FMN1: variants seen among roughly 807,000 people sequenced by gnomAD.
The protein encoded by FMN1 is formin-1.
Under a neutral mutation model 132.4 loss-of-function variants are expected in FMN1, and 110 were observed. The ratio of observed to expected loss-of-function variants is 0.83; its 90% CI spans 0.71 to 0.97. The LOEUF (loss-of-function observed/expected upper bound fraction) is 0.97. Ranked by LOEUF, FMN1 falls within the 50% of genes least tolerant of loss-of-function variation. The pLI, the probability that FMN1 is intolerant of heterozygous loss-of-function variation, is 0.00. For synonymous variants in FMN1, 722 were observed against 651.7 expected (o/e 1.11, Z -1.64); for missense variants, 1,792 against 1,705.3 (o/e 1.05, Z -0.90).
chr15:33,012,494 A>G, intron 6 of FMN1: 1 of 1,325,976 alleles, frequency 7.5e-7, no homozygotes, highest in South Asian at 1.2e-5. Flanking sequence ...TATTTTCAAC[A>G]GTATGGAAAA....
chr15:32,844,002 TAAAA>T (rs530422264), intron 17 of FMN1, among the ~76,000 whole-genome samples: 1 of 152,096 alleles, frequency 6.6e-6, no homozygotes, highest in Non-Finnish European at 1.5e-5. Context: ...AAAATTTAAA[TAAAA>T]AAACTGGGAG....
intron 7 of FMN1, among the ~76,000 whole-genome samples, chr15:32,981,288 G>C (rs36097433): frequency 0.043 from 6,545 of 151,880 alleles, 205 homozygotes; most frequent in East Asian, 0.14. Context: ...TCAGGAGATT[G>C]AGACCATCCT....
chr15:32,879,893 G>A lies in FMN1; in HGVS notation c.3835+8279C>T, dbSNP rs375116412. ...GTATTTGTCAAAGTTATACGTGCAC[G>A]CAGTTTAAAGAATCAGTACATTCTA... On this transcript the variant is annotated intron_variant, in intron 16 of 20. Transcript: ENST00000616417. Among the ~76,000 whole-genome samples, 10 of 152,054 alleles carry A rather than the reference G, an allele frequency of 6.6e-5. No individual in the cohort carries two copies. The South Asian group carries it at 2.1e-3, about 32-fold the overall frequency.
chr15:33,019,893 C>T (rs951046732), intron 6 of FMN1, among the ~76,000 whole-genome samples: 5 of 152,190 alleles, frequency 3.3e-5, no homozygotes, highest in Admixed American at 1.3e-4. Context: ...GAGCCGGCTC[C>T]GGCCTCAGCC....
intron 17 of FMN1, among the ~76,000 whole-genome samples, chr15:32,841,136 T>G (rs2058737599): frequency 1.3e-5 from 2 of 152,240 alleles, no homozygotes; most frequent in Non-Finnish European, 2.9e-5. Context: ...TGATCTTGGG[T>G]TGGATCATCA....
chr15:32,900,198 G>T (rs770959797), intron 13 of FMN1, 73 bp from the exon 14 acceptor site: 3 of 1,517,440 alleles, frequency 2.0e-6, no homozygotes, highest in South Asian at 2.2e-5. Context: ...AACAAATATC[G>T]ACTGTGTACT....
At chr15:32,776,645 A>G (rs1258270990) in intron 20 of FMN1, among the ~76,000 whole-genome samples, 190 bp downstream of exon 20, 1 of 152,038 alleles carries the variant, frequency 6.6e-6, no homozygotes, top group African/African-American at 2.4e-5. Flanking sequence ...AGTTTACAGG[A>G]AAAACATATA....
rs186570558 is a variant in FMN1 at position 33,066,453 on chromosome 15, G to A, written c.2044-1379C>T. ...AGGATTCACTTTGGGAGGAAACCTG[G>A]AAAGAAATACAGCAGCACCATATTT... On this transcript the variant is annotated intron_variant, in intron 5 of 20. Transcript: ENST00000616417. The A allele has an allele frequency of 1.0e-5, 14 of 1,374,128 alleles. No homozygotes were observed. The African/African-American group carries it at 1.8e-4, about 17-fold the overall frequency. The allele number at this position is 1,374,128 out of a possible 1,614,324, so 85.1% of individuals were successfully genotyped here.
rs1263576817 is a variant in FMN1 at position 32,921,039 on chromosome 15, CCTT to C, written c.3226+5132_3226+5134del. 9.2e-5 allele frequency among the ~76,000 whole-genome samples: 14 copies of C among 152,266 alleles called. No homozygotes were observed. The East Asian group carries it at 9.6e-4, about 10-fold the overall frequency. ...CTGGGGATACATCAGTGAGCAGTCT[CCTT>C]CTCAGAGCTTATATTCTCGTGGTAG... On this transcript the variant is annotated intron_variant, in intron 10 of 20. Transcript: ENST00000616417.
At chr15:33,116,589 A>AT (rs2039935352) in intron 4 of FMN1, among the ~76,000 whole-genome samples, 2 of 151,522 alleles carry the variant, frequency 1.3e-5, no homozygotes, top group African/African-American at 4.9e-5. Flanking sequence ...TTTTTTTTTA[A>AT]TTTTTTAACA....
chr15:32,840,813 C>G (rs755747642), intron 17 of FMN1, among the ~76,000 whole-genome samples: 1 of 152,104 alleles, frequency 6.6e-6, no homozygotes, highest in Non-Finnish European at 1.5e-5. Flanking sequence ...CTGTGGACAA[C>G]TGAAATACCG....
At chr15:32,901,000 A>C (rs1180531381) in intron 13 of FMN1, among the ~76,000 whole-genome samples, 1 of 152,152 alleles carries the variant, frequency 6.6e-6, no homozygotes, top group Non-Finnish European at 1.5e-5. Flanking sequence ...CTAAAAATAC[A>C]AAAACTAGCT....
intron 2 of FMN1, among the ~76,000 whole-genome samples, chr15:33,186,289 T>G (rs1352576780): frequency 1.3e-5 from 2 of 152,196 alleles, no homozygotes; most frequent in Non-Finnish European, 2.9e-5. Flanking sequence ...ACTCCTTTCC[T>G]GCCCAATGGC....
intron 12 of FMN1, among the ~76,000 whole-genome samples, chr15:32,903,210 A>G (rs145399840): frequency 9.3e-4 from 141 of 152,370 alleles, no homozygotes; most frequent in African/African-American, 3.2e-3. Flanking sequence ...AGGAATATCC[A>G]TAAGAGAAAA....
intron 5 of FMN1, chr15:33,068,053 C>T: frequency 7.0e-7 from 1 of 1,427,726 alleles, no homozygotes; most frequent in Non-Finnish European, 9.1e-7. Flanking sequence ...GTCACAGTGC[C>T]CTCCTTCCGG....
chr15:32,808,162 A>G (rs1193321325), intron 17 of FMN1, among the ~76,000 whole-genome samples: 1 of 152,228 alleles, frequency 6.6e-6, no homozygotes, highest in East Asian at 1.9e-4. Context: ...CAATTGCTCC[A>G]CAAGAACAAT....
intron 6 of FMN1, among the ~76,000 whole-genome samples, chr15:33,028,867 T>C (rs1249070104): frequency 6.6e-6 from 1 of 152,098 alleles, no homozygotes; most frequent in African/African-American, 2.4e-5. Context: ...CTTCAAATGC[T>C]CCCTCCCTCC....
chr15:33,111,719 A>G (rs1462831093), intron 4 of FMN1, among the ~76,000 whole-genome samples: 8 of 152,146 alleles, frequency 5.3e-5, no homozygotes. Context: ...TACCACTTAC[A>G]TGAAATTTCC....
chr15:33,078,389 A>G (rs2038307611), intron 5 of FMN1, among the ~76,000 whole-genome samples: 1 of 152,160 alleles, frequency 6.6e-6, no homozygotes. Flanking sequence ...CATCATTTTA[A>G]TTGGATATTT....
Sources: allele counts gnomAD v4.1 joint callset (sites outside exome capture counted in the v4.1 genomes callset), GRCh38; gene constraint gnomAD v4.1.1; transcripts MANE v1.5; gene names NCBI Gene and HGNC (gene_info 2026-07-23, HGNC 2026-07-21).